The following AKAP13 variants were observed in gnomAD, a reference collection of about 807,000 sequenced individuals.
AKAP13 encodes the protein A-kinase anchor protein 13.
A neutral mutation model predicts 264.5 loss-of-function variants in AKAP13; 80 were observed. That is an observed-to-expected ratio of 0.30 (90% CI 0.25 to 0.36). AKAP13 has a LOEUF of 0.36. Among genes scored for constraint, AKAP13 ranks in the 10% least tolerant of loss-of-function variants. The probability of loss-of-function intolerance (pLI) is 1.00; values close to 1 mark genes in which losing one functional copy is unlikely to be tolerated. For missense variants in AKAP13, 3,712 were observed against 3,435.2 expected, an observed-to-expected ratio of 1.08 and a Z score of -2.01; for synonymous variants, 1,380 against 1,250.2, an observed-to-expected ratio of 1.10 and a Z score of -2.19.
chr15:85,474,322 T>G (rs2075071940), intron 1 of AKAP13, among the ~76,000 whole-genome samples: 1 of 152,252 alleles, frequency 6.6e-6, no homozygotes, highest in African/African-American at 2.4e-5. Context: ...ATAGTCAGAT[T>G]CTCTGCTAAA....
intron 1 of AKAP13, among the ~76,000 whole-genome samples, chr15:85,404,234 T>A (rs1420379412): frequency 1.3e-5 from 2 of 152,220 alleles, no homozygotes; most frequent in African/African-American, 4.8e-5. Flanking sequence ...GTTTTCTCTT[T>A]TAGCTGTCAC....
rs775132880 is a variant in AKAP13 at position 85,744,611 on chromosome 15, G to A, written c.8393-17G>A. 27 of 1,613,638 alleles carry A rather than the reference G, an allele frequency of 1.7e-5. No individual in the cohort carries two copies. In the South Asian group the frequency reaches 2.2e-4, roughly 13 times the overall value. ...GTTTTTCTGAATTTTTTTCATTCTT[G>A]GTTTTCACATTTCCAGATGGTCCCG... On this transcript the variant is annotated splice_polypyrimidine_tract_variant and intron_variant, in intron 36 of 36. Coordinates refer to ENST00000394518, the MANE Select transcript of AKAP13 (RefSeq NM_007200.5).
chr15:85,704,619 C>CTTT (rs2086125051), intron 17 of AKAP13, among the ~76,000 whole-genome samples: 1 of 152,142 alleles, frequency 6.6e-6, no homozygotes, highest in South Asian at 2.1e-4. Context: ...GCTCTGTTCC[C>CTTT]ATAAACCACT....
intron 1 of AKAP13, among the ~76,000 whole-genome samples, chr15:85,401,381 C>T (rs11074205): frequency 0.77 from 117,346 of 152,016 alleles, 45,663 homozygotes; most frequent in African/African-American, 0.8. Flanking sequence ...GAGGACGTCT[C>T]CTCTGCCAAC....
At chr15:85,465,021 A>G (rs1044941601) in intron 1 of AKAP13, among the ~76,000 whole-genome samples, 1 of 152,008 alleles carries the variant, frequency 6.6e-6, no homozygotes, top group Non-Finnish European at 1.5e-5. Flanking sequence ...GCTCACTGCA[A>G]GCTCCGCCTC....
At chr15:85,511,090 G>C (rs188708881) in intron 2 of AKAP13, among the ~76,000 whole-genome samples, 1 of 152,126 alleles carries the variant, frequency 6.6e-6, no homozygotes, top group Non-Finnish European at 1.5e-5. Flanking sequence ...TTCTTCAGAC[G>C]TCTCTCTTCC....
intron 1 of AKAP13, among the ~76,000 whole-genome samples, chr15:85,434,377 G>A (rs574811228): frequency 6.6e-6 from 1 of 152,232 alleles, no homozygotes; most frequent in East Asian, 1.9e-4. Context: ...ACTGCAAGGC[G>A]GCAGCGAGGC....
At chr15:85,594,932 A>G (rs1212296262) in intron 8 of AKAP13, among the ~76,000 whole-genome samples, 3 of 152,180 alleles carry the variant, frequency 2.0e-5, no homozygotes, top group Admixed American at 6.5e-5. Flanking sequence ...CTTTATCCAG[A>G]AAAAGTTTCA....
intron 8 of AKAP13, among the ~76,000 whole-genome samples, chr15:85,597,994 C>T (rs1461141139): frequency 6.6e-6 from 1 of 152,026 alleles, no homozygotes; most frequent in Admixed American, 6.6e-5. Flanking sequence ...GTAAGATCCC[C>T]TTTCCAATAT....
chr15:85,581,895 G>C lies in AKAP13; in HGVS notation c.3827G>C (p.Cys1276Ser), dbSNP rs115527863. ...AGALLTEGEA[C>S]HMSLSSPELG... ...GCACTGCTTACTGAGGGGGAGGCCT[G>C]TCACATGTCACTGTCCAGCCCTGAG... Residue 1276 changes from cysteine (C) to serine (S), a missense_variant, in exon 7 of 37, where the codon TGT (cysteine) becomes TCT (serine). Physicochemically the swap from Cys to Ser is moderately radical, Grantham distance 112. Around this residue, in one of 3 missense-constraint regions of AKAP13, gnomAD observed 2,759 missense variants for 2,411.7 expected, o/e 1.14. Transcript: ENST00000394518. 1.2e-6 allele frequency: 2 copies of C among 1,614,070 alleles called. No homozygotes were observed. The highest frequency in any genetic ancestry group is 1.7e-6 in the Non-Finnish European group (2 of 1,180,016).
chr15:85,579,172 C>T lies in AKAP13; in HGVS notation c.1104C>T (p.Ser368=), dbSNP rs1239280217. 1 of 1,614,140 alleles carries T rather than the reference C, an allele frequency of 6.2e-7. No individual in the cohort carries two copies. Among genetic ancestry groups the T allele is most frequent in the Non-Finnish European group, 8.5e-7 (1 of 1,180,030 alleles). ...TTGAGGAGGAGAATACAGACCGTTC[C>T]TGTAGGAAGAAAAATAAAGGCGTGG... is the stretch of plus-strand genomic sequence containing the variant. The part of the protein sequence containing the change: ...SIVEEENTDR[S]CRKKNKGVER... Residue 368 remains serine (S), a synonymous_variant, in exon 7 of 37, where the codon TCC becomes TCT. Coordinates refer to ENST00000394518, the MANE Select transcript of AKAP13 (RefSeq NM_007200.5).
intron 1 of AKAP13, among the ~76,000 whole-genome samples, chr15:85,465,934 T>A (rs1316949028): frequency 8.7e-5 from 13 of 149,440 alleles, no homozygotes; most frequent in Admixed American, 6.0e-4. Flanking sequence ...CCACACTGAC[T>A]TCCACAATGG....
chr15:85,692,911 C>A lies in AKAP13; in HGVS notation c.5290-366C>A, dbSNP rs897915526. Among the ~76,000 whole-genome samples, 3 of 152,150 alleles carry A rather than the reference C, an allele frequency of 2.0e-5. No individual in the cohort carries two copies. The East Asian group carries it at 5.8e-4, about 29-fold the overall frequency. Reference sequence around the variant, plus strand: ...CCCTCTGCCTAAAGCTGGCCCTAAACCCATGACTCTCTTCCTGTGTGGACT... The same window carrying A: ...CCCTCTGCCTAAAGCTGGCCCTAAAACCATGACTCTCTTCCTGTGTGGACT... On this transcript the variant is annotated intron_variant, in intron 16 of 36. Coordinates refer to ENST00000394518, the MANE Select transcript of AKAP13 (RefSeq NM_007200.5).
chr15:85,648,231 A>G (rs899997798), intron 10 of AKAP13, among the ~76,000 whole-genome samples: 19 of 152,354 alleles, frequency 1.2e-4, no homozygotes, highest in African/African-American at 4.6e-4. Context: ...TAGGTCATGG[A>G]TATACAGAGA....
Position 85,387,951 on chromosome 15 carries a change from T to C in AKAP13, c.-12+7153T>C, listed in dbSNP as rs191646388. On this transcript the variant is annotated intron_variant, in intron 1 of 36. Transcript: ENST00000394518. The stretch of plus-strand genomic sequence containing the variant: ...TAGTAATAGAAGCTTTTTTTGTAGA[T>C]TTTTGGAATTTTCTGCATAGACATT... 1.2e-3 allele frequency among the ~76,000 whole-genome samples: 178 copies of C among 152,220 alleles called. 1 individual carries two copies. Among genetic ancestry groups the C allele is most frequent in the African/African-American group, 3.8e-3 (158 of 41,526 alleles).
chr15:85,387,866 G>C (rs1407748835), intron 1 of AKAP13, among the ~76,000 whole-genome samples: 1 of 152,094 alleles, frequency 6.6e-6, no homozygotes, highest in Non-Finnish European at 1.5e-5. Flanking sequence ...CTGGTATATA[G>C]AAAGATCATT....
intron 16 of AKAP13, among the ~76,000 whole-genome samples, chr15:85,689,041 A>G (rs1597068018): frequency 6.6e-6 from 1 of 152,354 alleles, no homozygotes; most frequent in East Asian, 1.9e-4. Flanking sequence ...TCTAAACCAC[A>G]GTTACTTTTG....
intron 9 of AKAP13, 45 bp from the exon 10 acceptor site, chr15:85,645,773 T>TG: frequency 2.2e-6 from 3 of 1,358,456 alleles, no homozygotes; most frequent in Non-Finnish European, 2.0e-6. Context: ...TTTGGTTTTT[T>TG]TGTTTTTTTT....
At chr15:85,570,958 GT>G (rs1049805006) in intron 5 of AKAP13, among the ~76,000 whole-genome samples, 127 of 143,694 alleles carry the variant, frequency 8.8e-4, no homozygotes, top group African/African-American at 1.7e-3. Flanking sequence ...TGTTGTTGTT[GT>G]TTTTTTTTTT....
Sources: gnomAD v4.1 joint callset for allele counts (sites outside exome capture counted in the v4.1 genomes callset) on GRCh38, gnomAD v4.1.1 for gene constraint, gnomAD v4.1.1 regional missense constraint, MANE v1.5 for transcripts, NCBI Gene and HGNC (gene_info 2026-07-23, HGNC 2026-07-21) for gene names.